CARS2: variants seen among roughly 807,000 people sequenced by gnomAD.
CARS2 encodes the protein cysteinyl-tRNA synthetase 2, mitochondrial.
In CARS2, 52 loss-of-function variants were observed where a neutral mutation model predicts 68.8. The ratio of observed to expected loss-of-function variants is 0.76; its 90% CI spans 0.61 to 0.95. CARS2 has a LOEUF of 0.95. Ranked by LOEUF, CARS2 falls within the 40% of genes least tolerant of loss-of-function variation. CARS2 has a pLI of 0.00. For synonymous variants in CARS2, 314 were observed against 303.6 expected (o/e 1.03, Z -0.36); for missense variants, 780 against 754.2 (o/e 1.03, Z -0.40).
chr13:110,696,164 C>G (rs1258443826), intron 3 of CARS2, among the ~76,000 whole-genome samples: 1 of 152,194 alleles, frequency 6.6e-6, no homozygotes, highest in Non-Finnish European at 1.5e-5. Flanking sequence ...TTCATCCAGT[C>G]TATCACTGAT....
chr13:110,667,537 G>C, intron 7 of CARS2, 64 bp from the exon 8 acceptor site: 2 of 1,474,728 alleles, frequency 1.4e-6, no homozygotes, highest in Non-Finnish European at 1.9e-6. Context: ...TTCTAACCTC[G>C]TCTATTTATT....
rs1334341456 is a variant in CARS2, at chr13:110,653,100, A to T, written c.988-2000T>A. On this transcript the variant is annotated intron_variant, in intron 9 of 14. Coordinates refer to ENST00000257347, the MANE Select transcript of CARS2 (RefSeq NM_024537.4). The surrounding 1 kb of genome is among the most constrained non-coding windows in gnomAD (Gnocchi z 5.6). ...TATCATCAACGGCCTTTGGGATCCT[A>T]TGTATTTTATTTTACGTATTTAAAG... 6.8e-6 allele frequency among the ~76,000 whole-genome samples: 1 copy of T among 147,570 alleles called. No homozygotes were observed. Among genetic ancestry groups the T allele is most frequent in the Non-Finnish European group, 1.5e-5 (1 of 67,364 alleles).
At chr13:110,708,619 T>C (rs896268065), upstream of CARS2, among the ~76,000 whole-genome samples, 2 of 151,990 alleles carry the variant, frequency 1.3e-5, no homozygotes, top group Non-Finnish European at 2.9e-5. Context: ...CAGGCTGGAG[T>C]GCAGTGGCCT....
intron 6 of CARS2, 86 bp downstream of exon 6, chr13:110,682,965 G>T: frequency 1.3e-6 from 1 of 788,164 alleles, no homozygotes; most frequent in South Asian, 2.0e-5. Flanking sequence ...GCAAGTGGAG[G>T]GGTCTGCGCT....
At position 110,668,125 on chromosome 13, in the gene CARS2, C is replaced by CG. The variant is rs2062699019; in HGVS notation, c.786-653dup. 1.3e-5 allele frequency among the ~76,000 whole-genome samples: 2 copies of CG among 152,230 alleles called. No homozygotes were observed. The highest frequency in any genetic ancestry group is 4.8e-5 in the African/African-American group (2 of 41,464). ...AGAAATTTCTAAGGTGCCAACACCT[C>CG]GCAGAGGTCCTTCCTGCTCCCACTG... On this transcript the variant is annotated intron_variant, in intron 7 of 14. Transcript: ENST00000257347. This position sits in a 1 kb window ranked among gnomAD's most constrained non-coding sequence, Gnocchi z 4.1.
chr13:110,698,094 C>T (rs2063675561), intron 3 of CARS2: 6 of 397,052 alleles, frequency 1.5e-5, no homozygotes, highest in South Asian at 3.7e-5. Flanking sequence ...TAGTTCCACC[C>T]CATTTCACAA....
At chr13:110,641,991 C>T (rs192214404) in intron 14 of CARS2, among the ~76,000 whole-genome samples, 215 of 152,246 alleles carry the variant, frequency 1.4e-3, no homozygotes, top group African/African-American at 4.7e-3. Context: ...CACCTGAGGT[C>T]GGGAGTTTGA....
intron 9 of CARS2, among the ~76,000 whole-genome samples, chr13:110,656,175 G>T (rs936817636): frequency 2.0e-5 from 3 of 152,032 alleles, no homozygotes; most frequent in Non-Finnish European, 4.4e-5. Flanking sequence ...TGGTGGTGTA[G>T]GCCTGTAATC....
chr13:110,702,586 C>G (rs1336585298), intron 2 of CARS2, among the ~76,000 whole-genome samples: 1 of 152,190 alleles, frequency 6.6e-6, no homozygotes, highest in African/African-American at 2.4e-5. Context: ...CAAATGAAAA[C>G]AAGAGTCAAG....
At chr13:110,654,907 G>A (rs2062321117) in intron 9 of CARS2, among the ~76,000 whole-genome samples, 2 of 102,648 alleles carry the variant, frequency 1.9e-5, no homozygotes, top group African/African-American at 8.5e-5. Context: ...CCAGGTGACA[G>A]CAAAACCCTC....
Position 110,665,380 on chromosome 13 carries a change from AG to A in CARS2, c.920-1863del. ...AGAATTGCTTGAACCCAGGAGGCAG[AG>A]GTTGCGGTGAGCTCAGATAGTGCCA... On this transcript the variant is annotated intron_variant, in intron 8 of 14. Coordinates refer to ENST00000257347, the MANE Select transcript of CARS2 (RefSeq NM_024537.4). This position sits in a 1 kb window ranked among gnomAD's most constrained non-coding sequence, Gnocchi z 4.3. 1.1e-6 allele frequency: 1 copy of A among 892,956 alleles called. No individual in the cohort carries two copies. The highest frequency in any genetic ancestry group is 1.3e-6 in the Non-Finnish European group (1 of 745,384). 55.3% of individuals were successfully genotyped at this position (892,956 alleles called of 1,614,324 possible).
chr13:110,669,416 G>A (rs556178198), intron 7 of CARS2, among the ~76,000 whole-genome samples: 2 of 152,308 alleles, frequency 1.3e-5, no homozygotes, highest in Admixed American at 1.3e-4. Flanking sequence ...GTTTCGAGGT[G>A]ACTGGATTTA....
At chr13:110,713,103 T>C in intron 1 of CARS2, 1 of 1,439,456 alleles carries the variant, frequency 6.9e-7, no homozygotes, top group Non-Finnish European at 9.1e-7. Context: ...GGACTTGGGT[T>C]TCTAGTAGTA....
chr13:110,686,892 G>C (rs569822338), intron 5 of CARS2, among the ~76,000 whole-genome samples: 84 of 148,592 alleles, frequency 5.7e-4, no homozygotes, highest in Non-Finnish European at 1.1e-3. Flanking sequence ...GGGGAGGGTG[G>C]GTGGACGGAG....
chr13:110,687,136 T>C (rs1163187503), intron 5 of CARS2, among the ~76,000 whole-genome samples: 1 of 152,152 alleles, frequency 6.6e-6, no homozygotes, highest in Non-Finnish European at 1.5e-5. Context: ...AATGAACACC[T>C]GTACACCTAC....
chr13:110,648,770 AGG>A (rs1216595260), intron 10 of CARS2: 1 of 152,262 alleles, frequency 6.6e-6, no homozygotes, highest in Non-Finnish European at 1.5e-5. Context: ...AGAGCTGCCC[AGG>A]CTTGAGAAAG....
intron 8 of CARS2, 149 bp downstream of exon 8, chr13:110,667,191 G>A: frequency 1.3e-6 from 1 of 788,508 alleles, no homozygotes; most frequent in East Asian, 2.8e-5. Context: ...ATGTTCAAAT[G>A]ATTGAAACTC....
At chr13:110,706,343 G>C (rs113853514), upstream of CARS2, 155 of 287,438 alleles carry the variant, frequency 5.4e-4, no homozygotes, top group African/African-American at 3.1e-3. Context: ...GCGGTGCCGC[G>C]CCGGGAGGCC....
chr13:110,646,638 G>A (rs1436338087), intron 11 of CARS2: 1 of 165,396 alleles, frequency 6.0e-6, no homozygotes, highest in Non-Finnish European at 1.3e-5. Context: ...AGGCCTGTGT[G>A]TTTTATAGAT....
Sources: gnomAD v4.1 joint callset for allele counts (sites outside exome capture counted in the v4.1 genomes callset) on GRCh38, gnomAD v4.1.1 for gene constraint, Gnocchi (gnomAD v3.1) non-coding constraint, MANE v1.5 for transcripts, NCBI Gene and HGNC (gene_info 2026-07-23, HGNC 2026-07-21) for gene names.